Variants in DNAAF8 observed in about 807,000 individuals in gnomAD.
DNAAF8 encodes the protein dynein axonemal assembly factor 8, also known as dynein axonemal-associated protein 1.
Under a neutral mutation model 54.6 loss-of-function variants are expected in DNAAF8, and 61 were observed. The observed-to-expected ratio is 1.12, with a 90% CI of 0.91 to 1.38. DNAAF8 has a LOEUF of 1.38. Among genes scored for constraint, DNAAF8 ranks in the 40% most tolerant of loss-of-function variants. The pLI, the probability that DNAAF8 is intolerant of heterozygous loss-of-function variation, is 0.00. For synonymous variants in DNAAF8, 320 were observed against 270.1 expected (o/e 1.18, Z -1.81); for missense variants, 837 against 665.0 (o/e 1.26, Z -2.85).
intron 2 of DNAAF8, among the ~76,000 whole-genome samples, 172 bp from the exon 3 acceptor site, chr16:4,737,628 C>A (rs958115661): frequency 6.6e-6 from 1 of 151,832 alleles, no homozygotes; most frequent in Admixed American, 6.6e-5. Flanking sequence ...GCAAGGCTGA[C>A]TGGGAGAGAA....
At chr16:4,746,774 C>A in intron 7 of DNAAF8, 153 bp from the exon 8 acceptor site, 2 of 785,448 alleles carry the variant, frequency 2.5e-6, no homozygotes, top group Non-Finnish European at 3.9e-6. Flanking sequence ...CCACACCTGT[C>A]CTCACCTCCT....
rs747365334 is a variant in DNAAF8, at chr16:4,747,630, C to T, written c.*5C>T. On this transcript the variant is annotated 3_prime_UTR_variant, in exon 9 of 10. Coordinates refer to ENST00000299320, the MANE Select transcript of DNAAF8 (RefSeq NM_139170.3). ...CCTCCTCTGGAGCAACTATAGCTGC[C>T]TCAGGTAGTGGGATCCCAGGAGTGG... The T allele has an allele frequency of 1.9e-6, 3 of 1,598,034 alleles. No individual in the cohort carries two copies. Among genetic ancestry groups the T allele is most frequent in the African/African-American group, 1.3e-5 (1 of 74,678 alleles).
chr16:4,738,276 G>T (rs185497673), intron 3 of DNAAF8, among the ~76,000 whole-genome samples: 1 of 152,104 alleles, frequency 6.6e-6, no homozygotes, highest in East Asian at 1.9e-4. Flanking sequence ...TGTCCTAATT[G>T]TCTCTCCCTT....
chr16:4,746,513 G>A lies in DNAAF8; in HGVS notation c.1181+1G>A. The stretch of plus-strand genomic sequence containing the variant: ...TACCAGACCACCTGTCCCCAGAAAG[G>A]TCCGGAGGGCAGTGACTACCCCATA... On this transcript the variant is annotated splice_donor_variant, in intron 7 of 9. Coordinates refer to ENST00000299320, the MANE Select transcript of DNAAF8 (RefSeq NM_139170.3). LOFTEE classifies it high-confidence loss of function. 1 of 1,612,938 alleles carries A rather than the reference G, an allele frequency of 6.2e-7. No individual in the cohort carries two copies. The highest frequency in any genetic ancestry group is 8.5e-7 in the Non-Finnish European group (1 of 1,179,670).
In DNAAF8 at chr16:4,736,443, A is replaced by G. The variant is rs2081902437; in HGVS notation, c.-51-21A>G. 4 of 1,383,484 alleles carry G rather than the reference A, an allele frequency of 2.9e-6. No homozygotes were observed. In the Admixed American group the frequency reaches 1.1e-4, roughly 37 times the overall value. The allele number at this position is 1,383,484 out of a possible 1,614,324, so 85.7% of individuals were successfully genotyped here. ...CCTTCAGTGGCCCGGACCCTCTTCC[A>G]TCACCCTGTGTACCCCACAGAGCTC... On this transcript the variant is annotated intron_variant, in intron 1 of 9. Coordinates refer to ENST00000299320, the MANE Select transcript of DNAAF8 (RefSeq NM_139170.3).
At position 4,742,991 on chromosome 16, in the gene DNAAF8, T is replaced by C. The variant is rs1596484778; in HGVS notation, c.784-52T>C. 3.6e-6 allele frequency: 5 copies of C among 1,405,504 alleles called. 1 individual carries two copies. 87.1% of individuals were successfully genotyped at this position (1,405,504 alleles called of 1,614,324 possible). A position where few individuals can be genotyped will look rare whatever the true frequency, so the allele number is the denominator to read the frequency against. On this transcript the variant is annotated intron_variant, in intron 4 of 9. Transcript: ENST00000299320. ...ACAGCAGCTGTGAAGCAGGTACTTG[T>C]GCCTCTGGGACCCCTCAGCATCCTC...
At chr16:4,740,849 G>C (rs1057034838) in intron 4 of DNAAF8, among the ~76,000 whole-genome samples, 190 bp downstream of exon 4, 3 of 152,094 alleles carry the variant, frequency 2.0e-5, no homozygotes, top group African/African-American at 7.2e-5. Flanking sequence ...CTGGGGGAGG[G>C]TTAACAAGAA....
intron 2 of DNAAF8, 82 bp downstream of exon 2, chr16:4,736,725 T>G: frequency 7.7e-7 from 1 of 1,302,818 alleles, no homozygotes; most frequent in Non-Finnish European, 1.0e-6. Flanking sequence ...TTTGGAGCAC[T>G]TCTCTGAAGA....
chr16:4,739,265 G>GTTTTTTTTTTTTTTTGTTTTTTTTTTT, intron 3 of DNAAF8, among the ~76,000 whole-genome samples: 1 of 69,030 alleles, frequency 1.4e-5, no homozygotes, highest in Non-Finnish European at 2.6e-5. Context: ...ATTTTTTCTT[G>GTTTTTTTTTTTTTTTGTTTTTTTTTTT]TTTTTTTTTT....
intron 1 of DNAAF8, chr16:4,735,223 G>A (rs2081867245): frequency 6.6e-6 from 1 of 152,214 alleles, no homozygotes; most frequent in African/African-American, 2.4e-5. Context: ...AGAGTCTCTG[G>A]AGGCCCTCTT....
At position 4,735,013 on chromosome 16, in the gene DNAAF8, T is replaced by A. The variant is rs914804272; in HGVS notation, c.-52+315T>A. 2.0e-5 allele frequency: 3 copies of A among 152,148 alleles called. No homozygotes were observed. In the East Asian group the frequency reaches 5.8e-4, roughly 29 times the overall value. The allele number at this position is 152,148 out of a possible 1,614,324, so 9.4% of individuals were successfully genotyped here. A position where few individuals can be genotyped will look rare whatever the true frequency, so the allele number is the denominator to read the frequency against. ...GCGGCTCCGAGCCTCCCCTTCGCCT[T>A]CTGGATGCTCTGAGCTCCTCAACTT... On this transcript the variant is annotated intron_variant, in intron 1 of 9. Transcript: ENST00000299320.
At chr16:4,743,919 A>ATTT (rs2081980173) in intron 5 of DNAAF8, 1 of 121,786 alleles carries the variant, frequency 8.2e-6, no homozygotes, top group African/African-American at 3.1e-5. Context: ...GGCAGAATGT[A>ATTT]TTCTTTTTTT....
chr16:4,747,142 G>C, intron 8 of DNAAF8, 117 bp downstream of exon 8: 1 of 1,219,176 alleles, frequency 8.2e-7, no homozygotes. Flanking sequence ...CCACCGCACA[G>C]GGTGAGGGGG....
rs375845445 is a variant in DNAAF8 at position 4,747,435 on chromosome 16, C to A, written c.1373C>A (p.Ala458Glu). ...QPELPASKGP[A>E]GGRAQAPEDT... ...GAGCTGCCTGCCAGCAAGGGGCCCG[C>A]GGGTGGGAGGGCTCAGGCCCCTGAA... Residue 458 changes from alanine (A) to glutamate (E), a missense_variant, in exon 9 of 10, where the codon GCG becomes GAG. Ala to Glu is a moderately radical substitution (Grantham distance 107). Transcript: ENST00000299320. 1 of 1,613,028 alleles carries A rather than the reference C, an allele frequency of 6.2e-7. No individual in the cohort carries two copies. Among genetic ancestry groups the A allele is most frequent in the East Asian group, 2.2e-5 (1 of 44,880 alleles).
rs994258633 is a variant in DNAAF8, at chr16:4,746,425, C to T, written c.1094C>T (p.Ala365Val). 2 of 1,613,256 alleles carry T rather than the reference C, an allele frequency of 1.2e-6. No individual in the cohort carries two copies. Among genetic ancestry groups the T allele is most frequent in the Non-Finnish European group, 1.7e-6 (2 of 1,179,644 alleles). The change falls in exon 7 of 10, where the codon GCC (alanine) becomes GTC (valine). Residue 365 changes from alanine (A) to valine (V), a missense_variant. Physicochemically the swap from Ala to Val is moderately conservative, Grantham distance 64 (BLOSUM62 0). Transcript: ENST00000299320. Reference protein sequence around the residue: ...GSQAGPGPQLAQGMRLNAESP... With the variant: ...GSQAGPGPQLVQGMRLNAESP... ...CAGGCTGGGCCAGGCCCGCAGCTGG[C>T]CCAGGGCATGAGGCTTAACGCAGAG...
chr16:4,738,034 C>T lies in DNAAF8; in HGVS notation c.276+88C>T, dbSNP rs140660069. ...CTAAACCACTGTTCTAGCATTTCCACGATATGCTAGAACATGGTCCTTTTT... is the reference window on the plus strand; with the variant it reads ...CTAAACCACTGTTCTAGCATTTCCATGATATGCTAGAACATGGTCCTTTTT... On this transcript the variant is annotated intron_variant, in intron 3 of 9. Transcript: ENST00000299320. The T allele has an allele frequency of 2.3e-3, 3,325 of 1,421,302 alleles. 6 individuals carry two copies. Among genetic ancestry groups the T allele is most frequent in the Non-Finnish European group, 2.9e-3 (3,056 of 1,044,422 alleles). The allele number at this position is 1,421,302 out of a possible 1,614,324, so 88.0% of individuals were successfully genotyped here.
Position 4,744,720 on chromosome 16 carries a change from G to T in DNAAF8, c.902-150G>T. 3.1e-6 allele frequency: 3 copies of T among 973,220 alleles called. No individual in the cohort carries two copies. The South Asian group carries it at 5.4e-5, about 17-fold the overall frequency. 60.3% of individuals were successfully genotyped at this position (973,220 alleles called of 1,614,324 possible). A position where few individuals can be genotyped will look rare whatever the true frequency, so the allele number is the denominator to read the frequency against. On this transcript the variant is annotated intron_variant, in intron 5 of 9. Coordinates refer to ENST00000299320, the MANE Select transcript of DNAAF8 (RefSeq NM_139170.3). ...TGAGCTAGAGGTGGAGTCCTCAGAG[G>T]GCTGAGTAGGGAGAGGGCTGGGCGG...
In DNAAF8 at chr16:4,744,869, G is replaced by C; in HGVS notation, c.902-1G>C. The C allele has an allele frequency of 6.2e-7, 1 of 1,611,564 alleles. No individual in the cohort carries two copies. Among genetic ancestry groups the C allele is most frequent in the Non-Finnish European group, 8.5e-7 (1 of 1,178,574 alleles). On this transcript the variant is annotated splice_acceptor_variant, in intron 5 of 9. Transcript: ENST00000299320. LOFTEE classifies it high-confidence loss of function. Reference sequence around the variant, plus strand: ...TCAGCCTCTCCTTTGGCCATCCTCAGACCGCATGGTGCCGAGCGCCCACAA... The same window carrying C: ...TCAGCCTCTCCTTTGGCCATCCTCACACCGCATGGTGCCGAGCGCCCACAA...
At chr16:4,744,724 G>A (rs2081991183) in intron 5 of DNAAF8, 146 bp from the exon 6 acceptor site, 1 of 1,015,960 alleles carries the variant, frequency 9.8e-7, no homozygotes, top group Non-Finnish European at 1.4e-6. Context: ...TCAGAGGGCT[G>A]AGTAGGGAGA....
Sources: gnomAD v4.1 joint callset for allele counts (sites outside exome capture counted in the v4.1 genomes callset) on GRCh38, gnomAD v4.1.1 for gene constraint, MANE v1.5 for transcripts, NCBI Gene and HGNC (gene_info 2026-07-23, HGNC 2026-07-21) for gene names.